CNTNAP2: variants seen among roughly 807,000 people sequenced by gnomAD.
CNTNAP2 encodes the protein contactin-associated protein-like 2.
A neutral mutation model predicts 155.2 loss-of-function variants in CNTNAP2; 98 were observed. The ratio of observed to expected loss-of-function variants is 0.63; its 90% CI spans 0.54 to 0.75. The LOEUF (loss-of-function observed/expected upper bound fraction) is 0.75. Ranked by LOEUF, CNTNAP2 falls within the 30% of genes least tolerant of loss-of-function variation. CNTNAP2 has a pLI of 0.00. For synonymous variants in CNTNAP2, 651 were observed against 631.2 expected, an observed-to-expected ratio of 1.03 and a Z score of -0.47; for missense variants, 1,727 against 1,688.1, an observed-to-expected ratio of 1.02 and a Z score of -0.40.
intron 1 of CNTNAP2, among the ~76,000 whole-genome samples, chr7:146,360,746 C>T (rs1795070240): frequency 6.6e-6 from 1 of 152,088 alleles, no homozygotes; most frequent in Admixed American, 6.6e-5. Context: ...TTTTGAAAAC[C>T]ACTGTGTTTC....
intron 22 of CNTNAP2, among the ~76,000 whole-genome samples, chr7:148,400,994 G>A (rs1438448751): frequency 6.7e-6 from 1 of 148,266 alleles, no homozygotes; most frequent in African/African-American, 2.6e-5. Flanking sequence ...AAAAAAAAAA[G>A]ATTTGTTATG....
chr7:146,984,772 C>G (rs187650043), intron 3 of CNTNAP2, among the ~76,000 whole-genome samples: 12 of 152,098 alleles, frequency 7.9e-5, no homozygotes, highest in Admixed American at 1.3e-4. Context: ...CTTTTTGAGT[C>G]CTTCTGGCTC....
chr7:148,108,098 G>A (rs1178047823), intron 15 of CNTNAP2, among the ~76,000 whole-genome samples: 2 of 152,180 alleles, frequency 1.3e-5, no homozygotes, highest in Admixed American at 6.5e-5. Flanking sequence ...CCTCTGGGGA[G>A]GGAGGAGACA....
chr7:148,292,794 T>C (rs1797211388), intron 21 of CNTNAP2, among the ~76,000 whole-genome samples: 1 of 152,166 alleles, frequency 6.6e-6, no homozygotes, highest in Non-Finnish European at 1.5e-5. Context: ...ACAATCTAGC[T>C]GCTTCCCATC....
Position 148,353,653 on chromosome 7 carries a change from TCA to T in CNTNAP2, c.3476-29982_3476-29981del, listed in dbSNP as rs10700397. Among the ~76,000 whole-genome samples, 73 of 150,710 alleles carry T rather than the reference TCA, an allele frequency of 4.8e-4. 1 individual carries two copies. The highest frequency in any genetic ancestry group is 2.8e-3 in the Admixed American group (43 of 15,124). On this transcript the variant is annotated intron_variant, in intron 21 of 23. Transcript: ENST00000361727. Reference sequence around the variant, plus strand: ...TATTTTCATTTTCAGGAGTGAGTTTTCACACACACACACACGCACACACAAGT... The same window carrying T: ...TATTTTCATTTTCAGGAGTGAGTTTTCACACACACACACGCACACACAAGT...
intron 14 of CNTNAP2, among the ~76,000 whole-genome samples, chr7:147,953,032 A>C (rs1006099448): frequency 6.6e-6 from 1 of 152,190 alleles, no homozygotes; most frequent in Non-Finnish European, 1.5e-5. Flanking sequence ...TGGCGTAATG[A>C]GTTTTCCCCA....
intron 9 of CNTNAP2, among the ~76,000 whole-genome samples, chr7:147,344,063 G>A (rs951607314): frequency 2.0e-5 from 3 of 150,096 alleles, no homozygotes; most frequent in Non-Finnish European, 3.0e-5. Context: ...GCTAAGGGAG[G>A]TTAAGCGACT....
At chr7:148,156,931 G>T (rs1267620009) in intron 17 of CNTNAP2, among the ~76,000 whole-genome samples, 2 of 152,170 alleles carry the variant, frequency 1.3e-5, no homozygotes, top group Non-Finnish European at 2.9e-5. Flanking sequence ...AAATGCAGCT[G>T]AGGCAGGAGA....
chr7:146,840,007 C>A (rs1803690012), intron 3 of CNTNAP2, 103 bp downstream of exon 3: 2 of 1,321,434 alleles, frequency 1.5e-6, no homozygotes, highest in Non-Finnish European at 2.1e-6. Flanking sequence ...TTTATGTATT[C>A]AAATCATTGG....
chr7:146,720,985 T>TAC (rs1488278486), intron 1 of CNTNAP2, among the ~76,000 whole-genome samples: 18 of 131,452 alleles, frequency 1.4e-4, no homozygotes, highest in African/African-American at 4.9e-4. Flanking sequence ...AGACTATATA[T>TAC]ACTGTATATA....
intron 11 of CNTNAP2, among the ~76,000 whole-genome samples, chr7:147,486,370 C>T (rs533215486): frequency 1.3e-5 from 2 of 152,172 alleles, no homozygotes; most frequent in South Asian, 2.1e-4. Flanking sequence ...TTTGGGAAAT[C>T]GTGTTAGTGT....
chr7:147,378,922 A>G (rs893124487), intron 9 of CNTNAP2, among the ~76,000 whole-genome samples: 1 of 152,028 alleles, frequency 6.6e-6, no homozygotes, highest in Non-Finnish European at 1.5e-5. Flanking sequence ...TAGTTCCCAT[A>G]ATCCCTACAT....
intron 1 of CNTNAP2, among the ~76,000 whole-genome samples, chr7:146,565,963 C>T (rs10243142): frequency 0.76 from 116,439 of 152,236 alleles, 45,036 homozygotes; most frequent in South Asian, 0.89. Context: ...AAAACACTTA[C>T]TTTTCACTGA....
intron 1 of CNTNAP2, among the ~76,000 whole-genome samples, chr7:146,206,993 C>T (rs766039645): frequency 2.6e-5 from 4 of 151,904 alleles, no homozygotes; most frequent in Non-Finnish European, 1.5e-5. Flanking sequence ...ACCAAGTATT[C>T]ATTGGTAATG....
chr7:146,768,494 C>T (rs1802237748), intron 1 of CNTNAP2, among the ~76,000 whole-genome samples: 1 of 151,490 alleles, frequency 6.6e-6, no homozygotes, highest in African/African-American at 2.4e-5. Context: ...GATAAAAGAC[C>T]TCTTGGAGGA....
chr7:147,029,109 A>G (rs553009780), intron 3 of CNTNAP2, among the ~76,000 whole-genome samples: 102 of 151,538 alleles, frequency 6.7e-4, no homozygotes, highest in South Asian at 5.0e-3. Context: ...GACCACAGGC[A>G]CCCGCCACCA....
At chr7:148,160,660 G>T (rs908834514) in intron 17 of CNTNAP2, among the ~76,000 whole-genome samples, 1 of 152,266 alleles carries the variant, frequency 6.6e-6, no homozygotes, top group South Asian at 2.1e-4. Flanking sequence ...CTCAAGACTT[G>T]TGACTCCTGT....
intron 14 of CNTNAP2, among the ~76,000 whole-genome samples, chr7:147,973,074 T>A (rs1033668074): frequency 5.3e-5 from 8 of 150,316 alleles, no homozygotes; most frequent in African/African-American, 2.0e-4. Flanking sequence ...GGAGGATCAC[T>A]TGAATCCAGG....
intron 21 of CNTNAP2, among the ~76,000 whole-genome samples, chr7:148,295,486 T>C (rs1419053751): frequency 1.3e-5 from 2 of 150,352 alleles, no homozygotes; most frequent in African/African-American, 2.5e-5. Flanking sequence ...AGAGTGAATA[T>C]TTTAATCAAT....
Sources: gnomAD v4.1 joint callset for allele counts (sites outside exome capture counted in the v4.1 genomes callset) on GRCh38, gnomAD v4.1.1 for gene constraint, MANE v1.5 for transcripts, NCBI Gene and HGNC (gene_info 2026-07-23, HGNC 2026-07-21) for gene names.